The following CELF2 variants were observed in gnomAD, a reference collection of about 807,000 sequenced individuals.
The protein encoded by CELF2 is CUG triplet repeat RNA-binding protein 2.
A neutral mutation model predicts 62.6 loss-of-function variants in CELF2; 8 were observed. That is an observed-to-expected ratio of 0.13 (90% CI 0.07 to 0.23). The LOEUF is 0.23. CELF2 is among the 10% of genes least tolerant of loss of function. CELF2 has a pLI of 1.00. For missense variants in CELF2, 333 were observed against 671.0 expected (o/e 0.50, Z 5.56); for synonymous variants, 258 against 250.0 (o/e 1.03, Z -0.30).
the CELF2 span, among the ~76,000 whole-genome samples, chr10:10,531,612 G>A: frequency 6.6e-6 from 1 of 152,118 alleles, no homozygotes; most frequent in Non-Finnish European, 1.5e-5. Context: ...AGGTCATGAG[G>A]TACTTCCTAA....
intron 1 of CELF2, among the ~76,000 whole-genome samples, chr10:11,109,917 C>G (rs4750019): frequency 0.56 from 84,309 of 151,894 alleles, 24,042 homozygotes; most frequent in East Asian, 0.81. Context: ...AGAGAGCAGT[C>G]TGACAGGAGT....
chr10:10,870,579 C>T (rs1444509276), intron 1 of CELF2, among the ~76,000 whole-genome samples: 1 of 152,168 alleles, frequency 6.6e-6, no homozygotes, highest in Non-Finnish European at 1.5e-5. Flanking sequence ...TCTTCTGATT[C>T]TCAACATGAA....
the CELF2 span, among the ~76,000 whole-genome samples, chr10:10,588,643 A>T: frequency 6.6e-6 from 1 of 152,198 alleles, no homozygotes; most frequent in Non-Finnish European, 1.5e-5. Context: ...CTGATAGTTA[A>T]TGTACTCTGA....
intron 1 of CELF2, among the ~76,000 whole-genome samples, chr10:11,007,654 G>T (rs1468706328): frequency 1.3e-5 from 2 of 152,160 alleles, no homozygotes; most frequent in South Asian, 4.1e-4. Context: ...CTCATAAAAG[G>T]TAATTGGTGA....
upstream of CELF2, chr10:10,798,476 A>G (rs1381910321): frequency 3.1e-6 from 1 of 321,434 alleles, no homozygotes; most frequent in Non-Finnish European, 5.6e-6. Flanking sequence ...TTTAAGTGAG[A>G]GCTGTGCTTG....
the CELF2 span, among the ~76,000 whole-genome samples, chr10:10,482,674 T>A: frequency 6.6e-6 from 1 of 152,214 alleles, no homozygotes; most frequent in Non-Finnish European, 1.5e-5. Flanking sequence ...ATCTTACTAA[T>A]CCTGGAGAGA....
At chr10:11,029,288 G>A (rs921785479) in intron 1 of CELF2, among the ~76,000 whole-genome samples, 2 of 152,158 alleles carry the variant, frequency 1.3e-5, no homozygotes, top group Admixed American at 6.5e-5. Flanking sequence ...TAATAAAAAA[G>A]GCACTTCTTT....
the CELF2 span, among the ~76,000 whole-genome samples, chr10:10,743,090 A>G: frequency 6.6e-6 from 1 of 152,252 alleles, no homozygotes; most frequent in Admixed American, 6.5e-5. Context: ...GAAGAAAATG[A>G]TATTAGATCC....
chr10:10,923,312 G>A (rs2065097261), intron 2 of CELF2, among the ~76,000 whole-genome samples: 1 of 152,182 alleles, frequency 6.6e-6, no homozygotes, highest in African/African-American at 2.4e-5. Flanking sequence ...TTTGAGAACA[G>A]TTTTATGGTT....
At chr10:11,249,635 T>C (rs1235612827) in intron 4 of CELF2, among the ~76,000 whole-genome samples, 1 of 152,208 alleles carries the variant, frequency 6.6e-6, no homozygotes, top group East Asian at 1.9e-4. Context: ...ACCTTTTGCA[T>C]GTGTTTCTTT....
Position 11,270,692 on chromosome 10 carries a change from G to A in CELF2, c.645G>A (p.Lys215=), listed in dbSNP as rs912813359. The part of the protein sequence containing the change: ...MEGCSSPIVV[K]FADTQKDKEQ... ...GCTGCTCTTCACCTATCGTGGTGAAGTTTGCTGACACTCAGAAGGACAAAG... is the reference window on the plus strand; with the variant it reads ...GCTGCTCTTCACCTATCGTGGTGAAATTTGCTGACACTCAGAAGGACAAAG... The change falls in exon 7 of 13, where the codon AAG becomes AAA. Residue 215 remains lysine (K), a synonymous_variant. Transcript: ENST00000633077. The surrounding 1 kb of genome is among the most constrained non-coding windows in gnomAD (Gnocchi z 5.8). The A allele has an allele frequency of 2.6e-6, 4 of 1,536,322 alleles. No individual in the cohort carries two copies. The highest frequency in any genetic ancestry group is 3.5e-6 in the Non-Finnish European group (4 of 1,137,462).
At chr10:11,055,819 T>C (rs1564545223) in intron 1 of CELF2, among the ~76,000 whole-genome samples, 1 of 152,180 alleles carries the variant, frequency 6.6e-6, no homozygotes, top group Non-Finnish European at 1.5e-5. Flanking sequence ...CCATCTGGAG[T>C]ATCCCCCATC....
At chr10:10,967,229 T>G (rs1454015735) in intron 2 of CELF2, among the ~76,000 whole-genome samples, 1 of 152,170 alleles carries the variant, frequency 6.6e-6, no homozygotes, top group African/African-American at 2.4e-5. Context: ...TTGAACAGTT[T>G]GAACAGGTGA....
intron 1 of CELF2, among the ~76,000 whole-genome samples, chr10:11,079,918 G>A (rs2073491382): frequency 6.6e-6 from 1 of 152,252 alleles, no homozygotes; most frequent in Non-Finnish European, 1.5e-5. Context: ...ACTGCAAGAT[G>A]ACTTTGGGAT....
chr10:10,557,744 C>T, the CELF2 span, among the ~76,000 whole-genome samples: 2 of 146,458 alleles, frequency 1.4e-5, no homozygotes, highest in Non-Finnish European at 3.0e-5. Context: ...TGAAGAGGTC[C>T]TTCACATCCC....
chr10:10,741,915 G>A, the CELF2 span, among the ~76,000 whole-genome samples: 13 of 152,126 alleles, frequency 8.5e-5, no homozygotes, highest in Admixed American at 5.9e-4. Flanking sequence ...TTGTCTAATG[G>A]TGATTTCTCT....
At chr10:10,731,243 AACACACACAC>A in the CELF2 span, among the ~76,000 whole-genome samples, 4 of 146,478 alleles carry the variant, frequency 2.7e-5, no homozygotes, top group East Asian at 2.0e-4. Flanking sequence ...TCCTGCAGAA[AACACACACAC>A]ACACACACAC....
chr10:10,968,908 T>C (rs2050449378), intron 2 of CELF2, among the ~76,000 whole-genome samples: 1 of 152,222 alleles, frequency 6.6e-6, no homozygotes, highest in Non-Finnish European at 1.5e-5. Context: ...AATAATAAGT[T>C]ATAATGACTC....
chr10:11,240,024 C>T (rs1365124436), intron 3 of CELF2, among the ~76,000 whole-genome samples: 2 of 152,052 alleles, frequency 1.3e-5, no homozygotes. Context: ...TGCATTACAG[C>T]CTGGGCAACA....
Sources: gnomAD v4.1 joint callset for allele counts (sites outside exome capture counted in the v4.1 genomes callset) on GRCh38, gnomAD v4.1.1 for gene constraint, Gnocchi (gnomAD v3.1) non-coding constraint, MANE v1.5 for transcripts, NCBI Gene and HGNC (gene_info 2026-07-23, HGNC 2026-07-21) for gene names.